The following TMTC4 variants were observed in gnomAD, a reference collection of about 807,000 sequenced individuals.
TMTC4 encodes the protein transmembrane O-mannosyltransferase targeting cadherins 4, also known as protein O-mannosyl-transferase TMTC4.
TMTC4 carries 65 observed loss-of-function variants against 86.0 expected under a neutral mutation model. The observed-to-expected ratio is 0.76, with a 90% CI of 0.62 to 0.93. The LOEUF is 0.93. Among genes scored for constraint, TMTC4 ranks in the 40% least tolerant of loss-of-function variants. TMTC4 has a pLI of 0.00. For missense variants in TMTC4, 866 were observed against 948.1 expected (o/e 0.91, Z 1.14); for synonymous variants, 379 against 382.5 (o/e 0.99, Z 0.11).
intron 15 of TMTC4, among the ~76,000 whole-genome samples, chr13:100,619,243 T>A (rs987996859): frequency 6.6e-6 from 1 of 150,956 alleles, no homozygotes. Flanking sequence ...GTAGGGGCGG[T>A]TGTTGCTTCT....
chr13:100,628,652 G>A (rs1880899259), intron 12 of TMTC4, among the ~76,000 whole-genome samples: 1 of 152,176 alleles, frequency 6.6e-6, no homozygotes, highest in African/African-American at 2.4e-5. Context: ...AAGAGGGGGT[G>A]AAGTAGGCTG....
intron 5 of TMTC4, among the ~76,000 whole-genome samples, chr13:100,657,257 G>A (rs1421123550): frequency 6.6e-6 from 1 of 152,196 alleles, no homozygotes; most frequent in Admixed American, 6.5e-5. Flanking sequence ...CCGTCCTGCC[G>A]ATAGAAAAAG....
intron 17 of TMTC4, among the ~76,000 whole-genome samples, chr13:100,609,674 T>TACACACAC (rs796361124): frequency 7.0e-4 from 63 of 89,580 alleles, no homozygotes; most frequent in African/African-American, 1.9e-3. Context: ...ACTAAATGTA[T>TACACACAC]ATATATACAC....
At chr13:100,648,791 G>T (rs576774259) in intron 6 of TMTC4, among the ~76,000 whole-genome samples, 1 of 152,130 alleles carries the variant, frequency 6.6e-6, no homozygotes, top group Non-Finnish European at 1.5e-5. Flanking sequence ...GCAATCCTCC[G>T]GCCTCAGCCT....
chr13:100,625,366 TA>T (rs1880311452), intron 15 of TMTC4, 168 bp downstream of exon 15: 3 of 952,274 alleles, frequency 3.2e-6, no homozygotes, highest in South Asian at 1.6e-5. Context: ...ATGAGAGCTT[TA>T]AAAAATTACT....
At chr13:100,622,964 G>C (rs1237521749) in intron 15 of TMTC4, among the ~76,000 whole-genome samples, 2 of 152,136 alleles carry the variant, frequency 1.3e-5, no homozygotes, top group Non-Finnish European at 2.9e-5. Flanking sequence ...CCATTCATAA[G>C]ATTCTATCTC....
At chr13:100,642,605 C>T (rs1040194615) in intron 6 of TMTC4, among the ~76,000 whole-genome samples, 2 of 152,144 alleles carry the variant, frequency 1.3e-5, no homozygotes, top group African/African-American at 4.8e-5. Flanking sequence ...CAGCAGGTAC[C>T]TTCTTCCCAA....
rs1287591016 is a variant in TMTC4 at position 100,613,839 on chromosome 13, G to GCCC, written c.1951+474_1951+476dup. Among the ~76,000 whole-genome samples the GCCC allele has an allele frequency of 5.5e-3, 141 of 25,814 alleles. 1 individual carries two copies. Among genetic ancestry groups the GCCC allele is most frequent in the South Asian group, 0.016 (10 of 638 alleles). The allele number at this position is 25,814 out of a possible 152,430, so 16.9% of individuals were successfully genotyped here. ...CTCCCTCCCCCTCTCCCCCCTACCC[G>GCCC]CCCCCCCCTTTTTTTTTGAGATGGC... On this transcript the variant is annotated intron_variant, in intron 16 of 18. Coordinates refer to ENST00000342624, the MANE Select transcript of TMTC4 (RefSeq NM_032813.5).
intron 7 of TMTC4, among the ~76,000 whole-genome samples, chr13:100,640,884 T>C (rs535631488): frequency 2.6e-5 from 4 of 152,038 alleles, no homozygotes; most frequent in Admixed American, 6.5e-5. Flanking sequence ...TTAATTTCTA[T>C]ATTTTCTTCT....
At position 100,635,096 on chromosome 13, in the gene TMTC4, G is replaced by A. The variant is rs774243367; in HGVS notation, c.1302C>T (p.Tyr434=). The A allele has an allele frequency of 4.1e-5, 66 of 1,614,060 alleles. No individual in the cohort carries two copies. Among genetic ancestry groups the A allele is most frequent in the Non-Finnish European group, 5.3e-5 (62 of 1,180,052 alleles). ...GCACACAGTACCCAACGCTGGGGAG[G>A]TAGAGGACACGCTCTGCGACCACGA... is the stretch of plus-strand genomic sequence containing the variant. ...VGFVVAERVL[Y]LPSVGYCVLL... The change falls in exon 11 of 19, where the codon TAC becomes TAT. Residue 434 remains tyrosine (Y), a synonymous_variant. Transcript: ENST00000342624.
chr13:100,670,703 CT>C lies in TMTC4; in HGVS notation c.-207-135del, dbSNP rs1886977135. 8 of 250,484 alleles carry C rather than the reference CT, an allele frequency of 3.2e-5. No individual in the cohort carries two copies. In the East Asian group the frequency reaches 6.7e-4, roughly 21 times the overall value. 15.5% of individuals were successfully genotyped at this position (250,484 alleles called of 1,614,324 possible). A position where few individuals can be genotyped will look rare whatever the true frequency, so the allele number is the denominator to read the frequency against. On this transcript the variant is annotated intron_variant, in intron 1 of 18. Coordinates refer to ENST00000342624, the MANE Select transcript of TMTC4 (RefSeq NM_032813.5). ...ATGGCTCACGCCTGTAATCCCAGCA[CT>C]TTGGGAGGCCGAGGCCGGTGGATGG...
chr13:100,633,482 T>C (rs1020123305), intron 12 of TMTC4, among the ~76,000 whole-genome samples: 1 of 152,164 alleles, frequency 6.6e-6, no homozygotes, highest in South Asian at 2.1e-4. Context: ...AGTGTAGTTT[T>C]GCCCAAAGAG....
intron 5 of TMTC4, 63 bp downstream of exon 5, chr13:100,662,901 C>A (rs79748265): frequency 1.9e-6 from 3 of 1,576,340 alleles, no homozygotes; most frequent in Non-Finnish European, 1.7e-6. Flanking sequence ...GGAAACCAGG[C>A]GACATGGGGG....
chr13:100,609,752 G>A (rs1393091907), intron 17 of TMTC4, among the ~76,000 whole-genome samples: 2 of 151,708 alleles, frequency 1.3e-5, no homozygotes, highest in Non-Finnish European at 2.9e-5. Flanking sequence ...TGCAAATTAA[G>A]TTGTTGTGCA....
intron 4 of TMTC4, 114 bp from the exon 5 acceptor site, chr13:100,663,294 T>G: frequency 1.1e-6 from 1 of 896,012 alleles, no homozygotes; most frequent in Non-Finnish European, 1.8e-6. Context: ...AGCGGAAGAC[T>G]TTGTGCCAGC....
chr13:100,603,834 AATG>A lies in TMTC4; in HGVS notation c.*1157_*1159del, dbSNP rs1483642925. On this transcript the variant is annotated 3_prime_UTR_variant, in exon 19 of 19. Transcript: ENST00000342624. ...CCCCAAGTCACACAGAAGCCACATA[AATG>A]ATGATTTGGTCAGTTTGATTTCATT... is the stretch of plus-strand genomic sequence containing the variant. 6.6e-6 allele frequency: 1 copy of A among 152,338 alleles called. No individual in the cohort carries two copies. The highest frequency in any genetic ancestry group is 2.4e-5 in the African/African-American group (1 of 41,424). 9.4% of individuals were successfully genotyped at this position (152,338 alleles called of 1,614,324 possible). A position where few individuals can be genotyped will look rare whatever the true frequency, so the allele number is the denominator to read the frequency against.
Position 100,604,165 on chromosome 13 carries a change from C to T in TMTC4, c.*829G>A, listed in dbSNP as rs980014820. 1 of 152,560 alleles carries T rather than the reference C, an allele frequency of 6.6e-6. No homozygotes were observed. The allele number at this position is 152,560 out of a possible 1,614,324, so 9.5% of individuals were successfully genotyped here. A position where few individuals can be genotyped will look rare whatever the true frequency, so the allele number is the denominator to read the frequency against. On this transcript the variant is annotated 3_prime_UTR_variant, in exon 19 of 19. Coordinates refer to ENST00000342624, the MANE Select transcript of TMTC4 (RefSeq NM_032813.5). ...TAGTTACATTAAGCAAAATGGAAAA[C>T]GGCCTTCAGATAAACACACTAAAAA...
At chr13:100,651,653 A>G (rs1469471580) in intron 6 of TMTC4, among the ~76,000 whole-genome samples, 2 of 152,182 alleles carry the variant, frequency 1.3e-5, no homozygotes, top group African/African-American at 4.8e-5. Flanking sequence ...CGTCCCATCC[A>G]TAAAAAAAGT....
chr13:100,632,409 T>C (rs1435298041), intron 12 of TMTC4, among the ~76,000 whole-genome samples: 2 of 152,214 alleles, frequency 1.3e-5, no homozygotes, highest in Non-Finnish European at 1.5e-5. Context: ...ATAGAGCCTC[T>C]GTAAAGAAAT....
Sources: gnomAD v4.1 joint callset for allele counts (sites outside exome capture counted in the v4.1 genomes callset) on GRCh38, gnomAD v4.1.1 for gene constraint, MANE v1.5 for transcripts, NCBI Gene and HGNC (gene_info 2026-07-23, HGNC 2026-07-21) for gene names.